LARP4B: variants seen among roughly 807,000 people sequenced by gnomAD.
LARP4B encodes la-related protein 4B.
In LARP4B, 12 loss-of-function variants were observed where a neutral mutation model predicts 89.8. The observed-to-expected ratio is 0.13, with a 90% confidence interval of 0.09 to 0.22. The LOEUF (loss-of-function observed/expected upper bound fraction) is 0.22, where lower values mean the gene tolerates loss of function less well. Ranked by LOEUF, LARP4B falls within the 10% of genes least tolerant of loss-of-function variation. LARP4B has a pLI of 1.00. For missense variants in LARP4B, 757 were observed against 947.7 expected (o/e 0.80, Z 2.64); for synonymous variants, 367 against 363.3 (o/e 1.01, Z -0.12).
chr10:984,951 A>G, the LARP4B span, among the ~76,000 whole-genome samples: 1 of 152,264 alleles, frequency 6.6e-6, no homozygotes, highest in African/African-American at 2.4e-5. Flanking sequence ...TAAACAAACA[A>G]ACAAATACCA....
At chr10:914,427 A>G (rs959008366) in intron 1 of LARP4B, among the ~76,000 whole-genome samples, 1 of 152,122 alleles carries the variant, frequency 6.6e-6, no homozygotes, top group African/African-American at 2.4e-5. Context: ...TATAAAAAAG[A>G]AAGGTAGGTT....
At chr10:854,171 C>A (rs889701754) in intron 5 of LARP4B, among the ~76,000 whole-genome samples, 2 of 152,190 alleles carry the variant, frequency 1.3e-5, no homozygotes, top group African/African-American at 4.8e-5. Flanking sequence ...TCAGGCTGTA[C>A]TTCTGATTCC....
At chr10:916,042 T>C (rs917886686) in intron 1 of LARP4B, among the ~76,000 whole-genome samples, 20 of 152,150 alleles carry the variant, frequency 1.3e-4, no homozygotes, top group African/African-American at 3.6e-4. Context: ...TTAGGCTTAA[T>C]TGGTATGTTA....
chr10:973,716 T>A, the LARP4B span, among the ~76,000 whole-genome samples: 6 of 152,302 alleles, frequency 3.9e-5, no homozygotes, highest in African/African-American at 1.4e-4. Context: ...TTAGCTAAAT[T>A]TTTAACCATA....
At chr10:885,885 G>A in intron 1 of LARP4B, 125 bp from the exon 2 acceptor site, 3 of 525,950 alleles carry the variant, frequency 5.7e-6, no homozygotes, top group Admixed American at 3.6e-5. Flanking sequence ...AAAGTTTAAA[G>A]AAGTCTTCCC....
intron 1 of LARP4B, among the ~76,000 whole-genome samples, chr10:929,553 G>C (rs868455884): frequency 1.3e-5 from 2 of 152,092 alleles, no homozygotes; most frequent in East Asian, 3.8e-4. Flanking sequence ...AGTTGAGATC[G>C]TGTCACTGCA....
At chr10:869,281 T>C (rs1438505185) in intron 3 of LARP4B, among the ~76,000 whole-genome samples, 2 of 152,170 alleles carry the variant, frequency 1.3e-5, no homozygotes, top group African/African-American at 4.8e-5. Flanking sequence ...ATACCTTCAA[T>C]GGGCTCACAT....
chr10:930,257 C>T (rs1012781085), intron 1 of LARP4B, among the ~76,000 whole-genome samples: 2 of 152,166 alleles, frequency 1.3e-5, no homozygotes, highest in African/African-American at 4.8e-5. Flanking sequence ...CTTGTCTGTC[C>T]CCTTCAATGT....
intron 5 of LARP4B, among the ~76,000 whole-genome samples, chr10:859,024 C>T (rs931692474): frequency 4.6e-5 from 7 of 152,024 alleles, no homozygotes; most frequent in Non-Finnish European, 7.4e-5. Context: ...TGGTGGCTCA[C>T]GCCTGTAATC....
downstream of LARP4B, chr10:807,092 A>T (rs1831585456): frequency 6.6e-6 from 1 of 152,264 alleles, no homozygotes. Context: ...AGGAGTGAAA[A>T]AGAAAGAGCT....
chr10:888,981 AG>A (rs1417912845), intron 1 of LARP4B, among the ~76,000 whole-genome samples: 56 of 152,146 alleles, frequency 3.7e-4, no homozygotes, highest in Admixed American at 2.8e-3. Context: ...GCTCCTTCGG[AG>A]GCTGGGATAG....
intron 1 of LARP4B, among the ~76,000 whole-genome samples, chr10:912,215 C>T (rs1836684307): frequency 6.6e-6 from 1 of 151,926 alleles, no homozygotes; most frequent in Non-Finnish European, 1.5e-5. Flanking sequence ...TCTTTGGCTT[C>T]CCTGGGCCAC....
chr10:858,269 T>A (rs937547668), intron 5 of LARP4B, among the ~76,000 whole-genome samples: 1 of 152,146 alleles, frequency 6.6e-6, no homozygotes, highest in African/African-American at 2.4e-5. Context: ...TTGTTTTTTT[T>A]AACAGGCGTG....
chr10:927,302 A>T (rs1799284709), intron 1 of LARP4B, among the ~76,000 whole-genome samples: 1 of 152,188 alleles, frequency 6.6e-6, no homozygotes, highest in Non-Finnish European at 1.5e-5. Context: ...GCAGTGAGAA[A>T]GAGAAGGGAA....
chr10:976,618 G>A, the LARP4B span, among the ~76,000 whole-genome samples: 3 of 150,138 alleles, frequency 2.0e-5, no homozygotes, highest in Non-Finnish European at 4.4e-5. Context: ...CGGCTTAGTA[G>A]AATGTAGGCC....
At position 826,052 on chromosome 10, in the gene LARP4B, T is replaced by C. The variant is rs1244259980; in HGVS notation, c.1126-182A>G. On this transcript the variant is annotated intron_variant, in intron 11 of 17. Coordinates refer to ENST00000316157, the MANE Select transcript of LARP4B (RefSeq NM_015155.3). ...TGCTGTTTAGAAGTAGGCTGGAGCT[T>C]TTGTGCATCCTTTCAGCCAATCCTT... 2.0e-5 allele frequency among the ~76,000 whole-genome samples: 3 copies of C among 152,234 alleles called. No homozygotes were observed. The East Asian group carries it at 5.8e-4, about 29-fold the overall frequency.
chr10:873,784 T>A (rs1272434718), intron 3 of LARP4B, among the ~76,000 whole-genome samples: 1 of 152,196 alleles, frequency 6.6e-6, no homozygotes, highest in African/African-American at 2.4e-5. Flanking sequence ...GAAAATGGAA[T>A]GATGTCAGTT....
At chr10:830,172 T>C (rs1316374976) in intron 9 of LARP4B, among the ~76,000 whole-genome samples, 1 of 152,202 alleles carries the variant, frequency 6.6e-6, no homozygotes, top group Non-Finnish European at 1.5e-5. Context: ...TTCTTCTCCA[T>C]GTTAATTCTA....
chr10:862,270 A>AC (rs1046350002), intron 5 of LARP4B, among the ~76,000 whole-genome samples: 30 of 149,300 alleles, frequency 2.0e-4, no homozygotes, highest in Admixed American at 1.2e-3. Flanking sequence ...AAAAAAAAAA[A>AC]AAAAAAAAAA....
Sources: allele counts gnomAD v4.1 joint callset (sites outside exome capture counted in the v4.1 genomes callset), GRCh38; gene constraint gnomAD v4.1.1; transcripts MANE v1.5; gene names NCBI Gene and HGNC (gene_info 2026-07-23, HGNC 2026-07-21).